The following SLC44A5 variants were observed in gnomAD, a reference collection of about 807,000 sequenced individuals.
SLC44A5 encodes the protein choline transporter-like protein 5.
In SLC44A5, 57 loss-of-function variants were observed where a neutral mutation model predicts 101.8. The ratio of observed to expected loss-of-function variants is 0.56; its 90% CI spans 0.45 to 0.70. SLC44A5 has a LOEUF of 0.70. SLC44A5 is among the 30% of genes least tolerant of loss of function. SLC44A5 has a pLI of 0.00. For synonymous variants in SLC44A5, 281 were observed against 290.9 expected (o/e 0.97, Z 0.35); for missense variants, 737 against 853.1 (o/e 0.86, Z 1.70).
intron 4 of SLC44A5, among the ~76,000 whole-genome samples, chr1:75,329,786 G>T (rs1656883056): frequency 6.6e-6 from 1 of 151,934 alleles, no homozygotes. Flanking sequence ...CTAGTTTTTG[G>T]TCTAGCCAAG....
intron 4 of SLC44A5, among the ~76,000 whole-genome samples, chr1:75,318,370 TGAAAGAAAGAAAGAAA>T (rs5775281): frequency 0.083 from 10,877 of 130,592 alleles, 497 homozygotes; most frequent in South Asian, 0.09. Context: ...TCCCATCTCT[TGAAAGAAAGAAAGAAA>T]GAAAGAAAGA....
intron 2 of SLC44A5, among the ~76,000 whole-genome samples, chr1:75,428,041 A>T (rs1664410972): frequency 6.6e-6 from 1 of 152,200 alleles, no homozygotes; most frequent in Non-Finnish European, 1.5e-5. Context: ...TCCCTCGAGT[A>T]CGGCAAGGAG....
intron 2 of SLC44A5, among the ~76,000 whole-genome samples, chr1:75,515,491 C>T (rs1669782624): frequency 6.6e-6 from 1 of 152,170 alleles, no homozygotes; most frequent in South Asian, 2.1e-4. Flanking sequence ...GTTAGTTCAA[C>T]TGTTTTAGAT....
chr1:75,208,262 A>T (rs1443161384), intron 23 of SLC44A5, among the ~76,000 whole-genome samples: 1 of 152,110 alleles, frequency 6.6e-6, no homozygotes, highest in East Asian at 1.9e-4. Context: ...AGTTTCAAGT[A>T]GTTCTGCTGT....
At chr1:75,220,086 A>G (rs1372314878) in intron 14 of SLC44A5, among the ~76,000 whole-genome samples, 194 bp from the exon 15 acceptor site, 1 of 152,138 alleles carries the variant, frequency 6.6e-6, no homozygotes, top group African/African-American at 2.4e-5. Context: ...TTTCCGATGC[A>G]CATGTTAGAC....
chr1:75,713,271 T>C, the SLC44A5 span, among the ~76,000 whole-genome samples: 1 of 152,202 alleles, frequency 6.6e-6, no homozygotes, highest in African/African-American at 2.4e-5. Flanking sequence ...CATTCTCTGC[T>C]AATGACCTTA....
intron 7 of SLC44A5, among the ~76,000 whole-genome samples, chr1:75,248,627 A>G (rs547384999): frequency 6.6e-6 from 1 of 152,232 alleles, no homozygotes; most frequent in South Asian, 2.1e-4. Flanking sequence ...CCAGGTGAGA[A>G]GAAAAGGTGT....
At chr1:75,648,821 G>A in the SLC44A5 span, among the ~76,000 whole-genome samples, 1 of 113,318 alleles carries the variant, frequency 8.8e-6, no homozygotes, top group South Asian at 3.0e-4. Context: ...ATGAGCATGG[G>A]CAAACAAATA....
chr1:75,202,655 G>T lies in SLC44A5; in HGVS notation c.*1072C>A, dbSNP rs2100412036. On this transcript the variant is annotated 3_prime_UTR_variant, in exon 24 of 24. Coordinates refer to ENST00000370859, the MANE Select transcript of SLC44A5 (RefSeq NM_001130058.2). ...AAGTGGCATATATAGAACAGGCTTT[G>T]ATGAAAATAAATGATCATTTAAAAG... The T allele has an allele frequency of 6.6e-6, 1 of 152,214 alleles. No homozygotes were observed. The highest frequency in any genetic ancestry group is 2.4e-5 in the African/African-American group (1 of 41,548). The allele number at this position is 152,214 out of a possible 1,614,324, so 9.4% of individuals were successfully genotyped here.
chr1:75,697,057 T>A, the SLC44A5 span, among the ~76,000 whole-genome samples: 1 of 152,170 alleles, frequency 6.6e-6, no homozygotes, highest in East Asian at 1.9e-4. Context: ...TCAAAGCTCA[T>A]CAAAATATGA....
chr1:75,312,398 T>C (rs541315587), intron 4 of SLC44A5, among the ~76,000 whole-genome samples: 1 of 152,306 alleles, frequency 6.6e-6, no homozygotes, highest in African/African-American at 2.4e-5. Flanking sequence ...GGTTCATGTG[T>C]TGGAAACTTA....
At chr1:75,675,823 T>C in the SLC44A5 span, among the ~76,000 whole-genome samples, 1 of 151,976 alleles carries the variant, frequency 6.6e-6, no homozygotes, top group Non-Finnish European at 1.5e-5. Context: ...AGGTCTAATA[T>C]CCAGAATCTA....
At chr1:75,374,272 C>T (rs978677649) in intron 3 of SLC44A5, among the ~76,000 whole-genome samples, 3 of 152,180 alleles carry the variant, frequency 2.0e-5, no homozygotes, top group Non-Finnish European at 2.9e-5. Flanking sequence ...TACCACCACT[C>T]TCCCTCAGGA....
chr1:75,372,600 C>T (rs545062613), intron 3 of SLC44A5, among the ~76,000 whole-genome samples: 1 of 152,226 alleles, frequency 6.6e-6, no homozygotes, highest in Admixed American at 6.5e-5. Context: ...TAAAGAATCA[C>T]ATATTGTTAG....
intron 2 of SLC44A5, among the ~76,000 whole-genome samples, chr1:75,440,032 T>G (rs1421358410): frequency 6.6e-6 from 1 of 152,044 alleles, no homozygotes; most frequent in Non-Finnish European, 1.5e-5. Context: ...CATTAAGAAG[T>G]ACTGAAAAAA....
intron 4 of SLC44A5, among the ~76,000 whole-genome samples, chr1:75,320,582 G>T (rs890012546): frequency 3.3e-5 from 5 of 152,082 alleles, no homozygotes; most frequent in African/African-American, 1.2e-4. Context: ...TATGCCTAAG[G>T]ATATAAGTTT....
At chr1:75,226,458 T>A (rs1350208362) in intron 13 of SLC44A5, among the ~76,000 whole-genome samples, 1 of 152,162 alleles carries the variant, frequency 6.6e-6, no homozygotes, top group East Asian at 1.9e-4. Context: ...GGAAAATGTC[T>A]GCACTTTGGT....
chr1:75,526,459 A>G (rs1433806484), intron 2 of SLC44A5, among the ~76,000 whole-genome samples: 2 of 152,180 alleles, frequency 1.3e-5, no homozygotes, highest in East Asian at 3.9e-4. Context: ...AGCCACTTCC[A>G]TCTTTGTCTA....
intron 6 of SLC44A5, among the ~76,000 whole-genome samples, chr1:75,270,265 A>G (rs2100728732): frequency 6.6e-6 from 1 of 152,310 alleles, no homozygotes; most frequent in Admixed American, 6.5e-5. Flanking sequence ...GAAAGTCCAA[A>G]TATAATTTAG....
Sources: allele counts gnomAD v4.1 joint callset (sites outside exome capture counted in the v4.1 genomes callset), GRCh38; gene constraint gnomAD v4.1.1; transcripts MANE v1.5; gene names NCBI Gene and HGNC (gene_info 2026-07-23, HGNC 2026-07-21).